Variants in A3GALT2 observed in about 807,000 individuals in gnomAD.
The protein encoded by A3GALT2 is alpha 1,3-galactosyltransferase 2.
A neutral mutation model predicts 16.6 loss-of-function variants in A3GALT2; 14 were observed. That is an observed-to-expected ratio of 0.84 (90% CI 0.56 to 1.32). The LOEUF is 1.32. Ranked by LOEUF, A3GALT2 falls within the 40% of genes most tolerant of loss-of-function variation. The pLI is 0.00. For missense variants in A3GALT2, 600 were observed against 490.9 expected (o/e 1.22, Z -2.10); for synonymous variants, 253 against 218.0 (o/e 1.16, Z -1.42).
At position 33,307,353 on chromosome 1, in the gene A3GALT2, C is replaced by T. The variant is rs1646200179; in HGVS notation, c.436G>A (p.Ala146Thr). Reference sequence around the variant, plus strand: ...GGGCCCAGCGCCACGCGGGGCACCGCTCCCGGAAGCTCGGTGAACACGTAG... The same window carrying T: ...GGGCCCAGCGCCACGCGGGGCACCGTTCCCGGAAGCTCGGTGAACACGTAG... ...MYYVFTELPG[A>T]VPRVALGPGR... Residue 146 changes from alanine (A) to threonine (T), a missense_variant, in exon 5 of 5, where the codon GCG (alanine) becomes ACG (threonine). By Grantham distance (58) the Ala-to-Thr change is moderately conservative. Coordinates refer to ENST00000442999, the MANE Select transcript of A3GALT2 (RefSeq NM_001080438.1). The T allele has an allele frequency of 6.5e-7, 1 of 1,549,476 alleles. No individual in the cohort carries two copies.
chr1:33,309,304 G>A (rs1047670503), intron 4 of A3GALT2, among the ~76,000 whole-genome samples: 1 of 152,110 alleles, frequency 6.6e-6, no homozygotes, highest in African/African-American at 2.4e-5. Context: ...ACGGGGTGGC[G>A]GCCAGGCAGA....
At chr1:33,316,664 A>G (rs1206427123) in intron 1 of A3GALT2, among the ~76,000 whole-genome samples, 1 of 152,084 alleles carries the variant, frequency 6.6e-6, no homozygotes, top group Non-Finnish European at 1.5e-5. Flanking sequence ...GGGAGGGCAC[A>G]TGGGCAAGAC....
rs765500803 is a variant in A3GALT2 at position 33,306,919 on chromosome 1, G to T, written c.870C>A (p.Asp290Glu). The T allele has an allele frequency of 5.9e-6, 9 of 1,520,402 alleles. 1 individual carries two copies. The highest frequency in any genetic ancestry group is 4.9e-5 in the South Asian group (4 of 81,544). 94.2% of individuals were successfully genotyped at this position (1,520,402 alleles called of 1,614,324 possible). Residue 290 changes from aspartate to glutamate, a missense_variant, in exon 5 of 5, where the codon GAC becomes GAA. Coordinates refer to ENST00000442999, the MANE Select transcript of A3GALT2 (RefSeq NM_001080438.1). ...RARGLEARWH[D>E]ESHLNKFFWL... ...AGAAGAACTTGTTGAGGTGGCTCTC[G>T]TCGTGCCAGCGCGCCTCCAGGCCGC...
At chr1:33,316,996 T>C (rs780029121) in intron 1 of A3GALT2, among the ~76,000 whole-genome samples, 4 of 152,038 alleles carry the variant, frequency 2.6e-5, no homozygotes, top group Non-Finnish European at 5.9e-5. Flanking sequence ...GGGTGGCAAC[T>C]GGAGGGGACA....
intron 1 of A3GALT2, among the ~76,000 whole-genome samples, chr1:33,316,052 A>G (rs1056497487): frequency 6.6e-6 from 1 of 152,216 alleles, no homozygotes; most frequent in African/African-American, 2.4e-5. Context: ...ATTGGAGAGT[A>G]GCACCTGAGC....
At position 33,307,344 on chromosome 1, in the gene A3GALT2, G is replaced by A. The variant is rs1646200102; in HGVS notation, c.445C>T (p.Arg149Cys). The A allele has an allele frequency of 1.3e-6, 2 of 1,539,798 alleles. No homozygotes were observed. Among genetic ancestry groups the A allele is most frequent in the East Asian group, 5.3e-5 (2 of 37,480 alleles). The stretch of plus-strand genomic sequence containing the variant: ...CGGCGTCCCGGGCCCAGCGCCACGC[G>A]GGGCACCGCTCCCGGAAGCTCGGTG... The part of the protein sequence containing the change: ...VFTELPGAVP[R>C]VALGPGRRLP... The change falls in exon 5 of 5, where the codon CGC (arginine) becomes TGC (cysteine). Residue 149 changes from arginine (R) to cysteine (C), a missense_variant. Coordinates refer to ENST00000442999, the MANE Select transcript of A3GALT2 (RefSeq NM_001080438.1).
intron 4 of A3GALT2, among the ~76,000 whole-genome samples, chr1:33,310,278 C>CAGAGGGAGACCGTGGAGAGAGAGGG (rs1425631070): frequency 5.9e-5 from 9 of 151,992 alleles, no homozygotes; most frequent in Non-Finnish European, 8.8e-5. Context: ...GGCTCGGCAT[C>CAGAGGGAGACCGTGGAGAGAGAGGG]AGAGGGAGAC....
rs1646232382 is a variant in A3GALT2 at position 33,311,532 on chromosome 1, C to T, written c.335+520G>A. Among the ~76,000 whole-genome samples the T allele has an allele frequency of 2.0e-5, 3 of 152,322 alleles. No homozygotes were observed. The South Asian group carries it at 6.2e-4, about 32-fold the overall frequency. On this transcript the variant is annotated intron_variant, in intron 4 of 4. Coordinates refer to ENST00000442999, the MANE Select transcript of A3GALT2 (RefSeq NM_001080438.1). ...TCACCCCCTTCCTCTCTTCACTTCC[C>T]TCTGCCCAGTTCAGATTCACTCCCT...
At chr1:33,310,196 G>T (rs1369653022) in intron 4 of A3GALT2, among the ~76,000 whole-genome samples, 2 of 152,226 alleles carry the variant, frequency 1.3e-5, no homozygotes, top group African/African-American at 4.8e-5. Flanking sequence ...CCAGGCACTC[G>T]GCAGGCTGAG....
Position 33,306,832 on chromosome 1 carries a change from C to T in A3GALT2, c.957G>A (p.Pro319=). ...PEFCWSPDIG[P]RAEIRRPRLL... is the part of the protein sequence containing the mutation. Reference sequence around the variant, plus strand: ...GTCGCGGGCGGCGGATCTCGGCCCGCGGGCCGATGTCCGGGCTCCAGCAGA... The same window carrying T: ...GTCGCGGGCGGCGGATCTCGGCCCGTGGGCCGATGTCCGGGCTCCAGCAGA... The change falls in exon 5 of 5, where the codon CCG becomes CCA. Residue 319 remains proline (P), a synonymous_variant. Coordinates refer to ENST00000442999, the MANE Select transcript of A3GALT2 (RefSeq NM_001080438.1). 9 of 1,495,342 alleles carry T rather than the reference C, an allele frequency of 6.0e-6. No individual in the cohort carries two copies. Among genetic ancestry groups the T allele is most frequent in the Non-Finnish European group, 8.0e-6 (9 of 1,129,174 alleles). 92.6% of individuals were successfully genotyped at this position (1,495,342 alleles called of 1,614,324 possible). A position where few individuals can be genotyped will look rare whatever the true frequency, so the allele number is the denominator to read the frequency against.
chr1:33,306,914 C>G lies in A3GALT2; in HGVS notation c.875G>C (p.Ser292Thr). 2 of 1,521,684 alleles carry G rather than the reference C, an allele frequency of 1.3e-6. No homozygotes were observed. The highest frequency in any genetic ancestry group is 1.8e-6 in the Non-Finnish European group (2 of 1,140,516). The allele number at this position is 1,521,684 out of a possible 1,614,324, so 94.3% of individuals were successfully genotyped here. A position where few individuals can be genotyped will look rare whatever the true frequency, so the allele number is the denominator to read the frequency against. ...CAGCCAGAAGAACTTGTTGAGGTGGCTCTCGTCGTGCCAGCGCGCCTCCAG... is the reference window on the plus strand; with the variant it reads ...CAGCCAGAAGAACTTGTTGAGGTGGGTCTCGTCGTGCCAGCGCGCCTCCAG... ...RGLEARWHDE[S>T]HLNKFFWLHK... Residue 292 changes from serine to threonine, a missense_variant, in exon 5 of 5, where the codon AGC (serine) becomes ACC (threonine). Coordinates refer to ENST00000442999, the MANE Select transcript of A3GALT2 (RefSeq NM_001080438.1).
intron 4 of A3GALT2, among the ~76,000 whole-genome samples, chr1:33,311,055 C>T (rs1029220002): frequency 1.1e-4 from 16 of 152,162 alleles, no homozygotes; most frequent in Non-Finnish European, 1.5e-5. Flanking sequence ...TAACAAAATT[C>T]CTTCCCCATC....
chr1:33,312,438 A>G (rs1195231341), intron 3 of A3GALT2, 63 bp downstream of exon 3: 7 of 1,463,718 alleles, frequency 4.8e-6, no homozygotes, highest in East Asian at 2.3e-5. Flanking sequence ...GGGCAGGGAC[A>G]TGGGGCAGAG....
rs139855375 is a variant in A3GALT2 at position 33,317,804 on chromosome 1, C to G, written c.23+3272G>C. Among the ~76,000 whole-genome samples, 47 of 152,276 alleles carry G rather than the reference C, an allele frequency of 3.1e-4. No individual in the cohort carries two copies. The East Asian group carries it at 7.9e-3, about 26-fold the overall frequency. On this transcript the variant is annotated intron_variant, in intron 1 of 4. Coordinates refer to ENST00000442999, the MANE Select transcript of A3GALT2 (RefSeq NM_001080438.1). ...ACTTTTTTGGAGTTTTGAATATTTG[C>G]ATTGTATTTACTGGCTAAGTATCCC...
At position 33,307,444 on chromosome 1, in the gene A3GALT2, C is replaced by T. The variant is rs1646201041; in HGVS notation, c.345G>A (p.Glu115=). 2 of 1,511,010 alleles carry T rather than the reference C, an allele frequency of 1.3e-6. No individual in the cohort carries two copies. The highest frequency in any genetic ancestry group is 1.5e-5 in the African/African-American group (1 of 68,588). 93.6% of individuals were successfully genotyped at this position (1,511,010 alleles called of 1,614,324 possible). A position where few individuals can be genotyped will look rare whatever the true frequency, so the allele number is the denominator to read the frequency against. ...LTIFAVGRYL[E]KYLERFLETA... is the part of the protein sequence containing the mutation. Reference sequence around the variant, plus strand: ...TCTCCAGGAAGCGCTCCAGGTACTTCTCCAGGTATCTAAGGGCGCGGCGCC... The same window carrying T: ...TCTCCAGGAAGCGCTCCAGGTACTTTTCCAGGTATCTAAGGGCGCGGCGCC... The change falls in exon 5 of 5, where the codon GAG becomes GAA. Residue 115 remains glutamate, a synonymous_variant. Transcript: ENST00000442999.
chr1:33,307,462 G>T lies in A3GALT2; in HGVS notation c.336-9C>A. 6.7e-7 allele frequency: 1 copy of T among 1,486,458 alleles called. No individual in the cohort carries two copies. Among genetic ancestry groups the T allele is most frequent in the Non-Finnish European group, 8.9e-7 (1 of 1,128,860 alleles). The allele number at this position is 1,486,458 out of a possible 1,614,324, so 92.1% of individuals were successfully genotyped here. A position where few individuals can be genotyped will look rare whatever the true frequency, so the allele number is the denominator to read the frequency against. On this transcript the variant is annotated splice_polypyrimidine_tract_variant and intron_variant, in intron 4 of 4. Coordinates refer to ENST00000442999, the MANE Select transcript of A3GALT2 (RefSeq NM_001080438.1). ...GGTACTTCTCCAGGTATCTAAGGGC[G>T]CGGCGCCACCGTCAGCCTGAGAGTG...
intron 3 of A3GALT2, 112 bp downstream of exon 3, chr1:33,312,389 G>A: frequency 7.6e-7 from 1 of 1,316,144 alleles, no homozygotes; most frequent in Non-Finnish European, 1.0e-6. Context: ...GGACTTGGTG[G>A]CAGAGTGCCT....
At chr1:33,310,865 C>T (rs1318192148) in intron 4 of A3GALT2, among the ~76,000 whole-genome samples, 2 of 152,186 alleles carry the variant, frequency 1.3e-5, no homozygotes, top group Non-Finnish European at 1.5e-5. Flanking sequence ...AGTGGGAGCA[C>T]CGAGGCCTTG....
In A3GALT2 at chr1:33,312,173, G is replaced by A; in HGVS notation, c.214C>T (p.Leu72=). ...ALRPWARPEV[L]TCTPWGAPII... is the part of the protein sequence containing the mutation. Reference sequence around the variant, plus strand: ...GGAGCCCCCCAGGGGGTACAGGTCAGAACTTCAGGCCGGGCCCTGGCCAGG... The same window carrying A: ...GGAGCCCCCCAGGGGGTACAGGTCAAAACTTCAGGCCGGGCCCTGGCCAGG... The change falls in exon 4 of 5, where the codon CTG becomes TTG. Residue 72 remains leucine (L), a synonymous_variant. Coordinates refer to ENST00000442999, the MANE Select transcript of A3GALT2 (RefSeq NM_001080438.1). 6.2e-7 allele frequency: 1 copy of A among 1,613,426 alleles called. No homozygotes were observed. The highest frequency in any genetic ancestry group is 8.5e-7 in the Non-Finnish European group (1 of 1,179,816).
Sources: gnomAD v4.1 joint callset for allele counts (sites outside exome capture counted in the v4.1 genomes callset) on GRCh38, gnomAD v4.1.1 for gene constraint, MANE v1.5 for transcripts, NCBI Gene and HGNC (gene_info 2026-07-23, HGNC 2026-07-21) for gene names.